Variants in ITGA2 observed in about 807,000 individuals in gnomAD.
ITGA2 encodes integrin subunit alpha 2.
ITGA2 carries 101 observed loss-of-function variants against 146.3 expected under a neutral mutation model. The ratio of observed to expected loss-of-function variants is 0.69; its 90% confidence interval spans 0.59 to 0.81. The LOEUF is 0.81. Among genes scored for constraint, ITGA2 ranks in the 40% least tolerant of loss-of-function variants. The pLI, the probability that ITGA2 is intolerant of heterozygous loss-of-function variation, is 0.00. For missense variants in ITGA2, 1,281 were observed against 1,402.7 expected, an observed-to-expected ratio of 0.91 and a Z score of 1.39; for synonymous variants, 477 against 487.1, an observed-to-expected ratio of 0.98 and a Z score of 0.27.
At chr5:53,015,685 G>A (rs1335856120) in intron 1 of ITGA2, among the ~76,000 whole-genome samples, 1 of 152,090 alleles carries the variant, frequency 6.6e-6, no homozygotes, top group Non-Finnish European at 1.5e-5. Flanking sequence ...ACTGTCAGTG[G>A]GGTGTTGAAG....
chr5:53,059,508 T>C (rs1467686833), intron 10 of ITGA2, among the ~76,000 whole-genome samples: 1 of 151,950 alleles, frequency 6.6e-6, no homozygotes, highest in Non-Finnish European at 1.5e-5. Context: ...CTTATAAATA[T>C]GTGGAGTGAG....
chr5:53,075,510 G>A (rs79107231), intron 23 of ITGA2, among the ~76,000 whole-genome samples: 1 of 151,958 alleles, frequency 6.6e-6, no homozygotes, highest in Non-Finnish European at 1.5e-5. Context: ...AAACCAATGA[G>A]AGTAGCCCAG....
chr5:53,001,954 T>A (rs1256044345), intron 1 of ITGA2, among the ~76,000 whole-genome samples: 1 of 152,156 alleles, frequency 6.6e-6, no homozygotes, highest in Non-Finnish European at 1.5e-5. Flanking sequence ...CTTGCAATTT[T>A]TCAGTGATCT....
chr5:53,045,142 C>A, intron 4 of ITGA2, 50 bp downstream of exon 4: 1 of 1,352,046 alleles, frequency 7.4e-7, no homozygotes, highest in Non-Finnish European at 1.1e-6. Context: ...AGTACATAGA[C>A]AGTAGTGTCT....
At chr5:53,014,835 G>A (rs1490809988) in intron 1 of ITGA2, among the ~76,000 whole-genome samples, 1 of 152,018 alleles carries the variant, frequency 6.6e-6, no homozygotes, top group African/African-American at 2.4e-5. Flanking sequence ...GAGGTTGTAT[G>A]TTTCCAGGAA....
rs1745480473 is a variant in ITGA2, at chr5:53,073,150, A to G, written c.2462A>G (p.Lys821Arg). The part of the protein sequence containing the change: ...EQPFIVSNQN[K>R]RLTFSVTLKN... ...CCCTTTATTGTCAGCAACCAAAACAAAAGGTTAACATTTTCAGTAACGCTG... is the reference window on the plus strand; with the variant it reads ...CCCTTTATTGTCAGCAACCAAAACAGAAGGTTAACATTTTCAGTAACGCTG... The change falls in exon 20 of 30, where the codon AAA (lysine) becomes AGA (arginine). Residue 821 changes from lysine (K) to arginine (R), a missense_variant. By Grantham distance (26) the Lys-to-Arg change is conservative. Transcript: ENST00000296585. The G allele has an allele frequency of 1.2e-6, 2 of 1,612,232 alleles. No individual in the cohort carries two copies. Among genetic ancestry groups the G allele is most frequent in the Non-Finnish European group, 8.5e-7 (1 of 1,178,880 alleles).
At chr5:53,042,352 T>C in intron 3 of ITGA2, 131 bp downstream of exon 3, 1 of 685,500 alleles carries the variant, frequency 1.5e-6, no homozygotes, top group Non-Finnish European at 2.7e-6. Context: ...TTTAGTAATA[T>C]GGGGCACAAT....
At chr5:53,052,064 A>G (rs1453346760) in intron 7 of ITGA2, among the ~76,000 whole-genome samples, 1 of 152,058 alleles carries the variant, frequency 6.6e-6, no homozygotes, top group African/African-American at 2.4e-5. Context: ...TCTCAGATCC[A>G]CTGACCTTTC....
chr5:53,038,382 T>G (rs2111868826), intron 2 of ITGA2, among the ~76,000 whole-genome samples: 1 of 152,150 alleles, frequency 6.6e-6, no homozygotes, highest in South Asian at 2.1e-4. Flanking sequence ...TGTCATTGGG[T>G]TTGTATTTGG....
intron 2 of ITGA2, among the ~76,000 whole-genome samples, chr5:53,033,285 C>G (rs921697051): frequency 6.6e-6 from 1 of 151,780 alleles, no homozygotes; most frequent in Non-Finnish European, 1.5e-5. Flanking sequence ...AAAACTGGGT[C>G]CTCCCTACCT....
At chr5:53,030,930 C>T (rs1743194321) in intron 2 of ITGA2, among the ~76,000 whole-genome samples, 1 of 152,228 alleles carries the variant, frequency 6.6e-6, no homozygotes, top group South Asian at 2.1e-4. Flanking sequence ...CCCAGCCCTG[C>T]CAAGGTACCT....
intron 1 of ITGA2, among the ~76,000 whole-genome samples, chr5:52,998,500 A>G (rs1253482715): frequency 1.3e-5 from 2 of 152,066 alleles, no homozygotes; most frequent in African/African-American, 2.4e-5. Context: ...GCAGAGTCCC[A>G]TGAGCTCCTG....
In ITGA2 at chr5:53,061,021, T is replaced by C. The variant is rs768036436; in HGVS notation, c.1433T>C (p.Val478Ala). 6.2e-7 allele frequency: 1 copy of C among 1,612,254 alleles called. No homozygotes were observed. Residue 478 changes from valine to alanine, a missense_variant, in exon 12 of 30, where the codon GTT becomes GCT. This residue lies in a region of ITGA2 where 795 missense variants were observed against 841.7 expected (regional missense o/e 0.94). Coordinates refer to ENST00000296585, the MANE Select transcript of ITGA2 (RefSeq NM_002203.4). ...GTGAATGAGAATGGCAATATCACGG[T>C]TATTCAGGCTCACCGAGGTGACCAG... ...YSVNENGNIT[V>A]IQAHRGDQIG...
chr5:53,001,357 G>C (rs1232020009), intron 1 of ITGA2, among the ~76,000 whole-genome samples: 2 of 152,120 alleles, frequency 1.3e-5, no homozygotes, highest in African/African-American at 4.8e-5. Context: ...TACAATTTCA[G>C]GGCTTGATTT....
In ITGA2 at chr5:53,060,915, G is replaced by A. The variant is rs527450768; in HGVS notation, c.1327G>A (p.Ala443Thr). Reference protein sequence around the residue: ...HSSYLGYSVAAISTGESTHFV... With the variant: ...HSSYLGYSVATISTGESTHFV... ...TTCCCTTTTAGGTTACTCTGTGGCTGCAATTTCTACTGGAGAAAGCACTCA... is the reference window on the plus strand; with the variant it reads ...TTCCCTTTTAGGTTACTCTGTGGCTACAATTTCTACTGGAGAAAGCACTCA... The change falls in exon 12 of 30, where the codon GCA (alanine) becomes ACA (threonine). Residue 443 changes from alanine (A) to threonine (T), a missense_variant. Physicochemically the swap from Ala to Thr is moderately conservative, Grantham distance 58. Coordinates refer to ENST00000296585, the MANE Select transcript of ITGA2 (RefSeq NM_002203.4). 3 of 1,612,286 alleles carry A rather than the reference G, an allele frequency of 1.9e-6. No homozygotes were observed. The highest frequency in any genetic ancestry group is 2.2e-5 in the South Asian group (2 of 91,050).
In ITGA2 at chr5:52,989,457, G is replaced by A. The variant is rs911820670; in HGVS notation, c.-12G>A. 6.2e-6 allele frequency: 10 copies of A among 1,614,076 alleles called. No individual in the cohort carries two copies. The African/African-American group carries it at 1.1e-4, about 17-fold the overall frequency. On this transcript the variant is annotated 5_prime_UTR_variant, in exon 1 of 30. Transcript: ENST00000296585. ...AACCCAGCGCAACTACGGTCCCCCG[G>A]TCAGACCCAGGATGGGGCCAGAACG...
At position 53,091,955 on chromosome 5, in the gene ITGA2, C is replaced by T. The variant is rs771530392; in HGVS notation, c.*1356C>T. On this transcript the variant is annotated 3_prime_UTR_variant, in exon 30 of 30. Coordinates refer to ENST00000296585, the MANE Select transcript of ITGA2 (RefSeq NM_002203.4). ...CTTGTTTCTGAAGTACTTAAACTTC[C>T]ACAAGAGTGAATTTGACCTAGGCAA... The T allele has an allele frequency of 1.9e-4, 29 of 152,120 alleles. No homozygotes were observed. Among genetic ancestry groups the T allele is most frequent in the Non-Finnish European group, 3.5e-4 (24 of 68,036 alleles). 9.4% of individuals were successfully genotyped at this position (152,120 alleles called of 1,614,324 possible).
intron 4 of ITGA2, among the ~76,000 whole-genome samples, chr5:53,047,495 G>A (rs2111908278): frequency 6.6e-6 from 1 of 152,302 alleles, no homozygotes; most frequent in East Asian, 1.9e-4. Flanking sequence ...GTGCCATTCA[G>A]CGTTAGTGAC....
chr5:53,053,025 T>C (rs1218202206), intron 7 of ITGA2, among the ~76,000 whole-genome samples: 2 of 152,166 alleles, frequency 1.3e-5, no homozygotes, highest in Admixed American at 1.3e-4. Context: ...GCCTTATTCT[T>C]TTCCCTACCA....
Sources: allele counts gnomAD v4.1 joint callset (sites outside exome capture counted in the v4.1 genomes callset), GRCh38; gene constraint gnomAD v4.1.1; regional missense constraint gnomAD v4.1.1; transcripts MANE v1.5; gene names NCBI Gene and HGNC (gene_info 2026-07-23, HGNC 2026-07-21).